Variants in BAZ2B observed in about 807,000 individuals in gnomAD.
BAZ2B encodes bromodomain adjacent to zinc finger domain 2B, also known as bromodomain adjacent to zinc finger domain protein 2B.
A neutral mutation model predicts 246.0 loss-of-function variants in BAZ2B; 91 were observed. The ratio of observed to expected loss-of-function variants is 0.37; its 90% confidence interval spans 0.31 to 0.44. The LOEUF is 0.44. BAZ2B is among the 20% of genes least tolerant of loss of function. The pLI is 1.00. For missense variants in BAZ2B, 2,332 were observed against 2,533.7 expected, an observed-to-expected ratio of 0.92 and a Z score of 1.71; for synonymous variants, 855 against 860.0, an observed-to-expected ratio of 0.99 and a Z score of 0.10.
At chr2:159,450,850 T>C (rs1206367735) in intron 4 of BAZ2B, among the ~76,000 whole-genome samples, 1 of 151,796 alleles carries the variant, frequency 6.6e-6, no homozygotes, top group Non-Finnish European at 1.5e-5. Flanking sequence ...AGTGATTCTC[T>C]TGCCTCAGCC....
intron 30 of BAZ2B, among the ~76,000 whole-genome samples, chr2:159,348,163 A>T (rs991411631): frequency 6.6e-6 from 1 of 151,372 alleles, no homozygotes; most frequent in Non-Finnish European, 1.5e-5. Flanking sequence ...TACAAAAAAT[A>T]AAAAAAACTA....
chr2:159,462,334 A>G, intron 3 of BAZ2B: 1 of 918,926 alleles, frequency 1.1e-6, no homozygotes, highest in Non-Finnish European at 1.7e-6. Context: ...CTTATTTATC[A>G]TATGACCACA....
At chr2:159,412,753 T>G (rs978851576) in intron 13 of BAZ2B, among the ~76,000 whole-genome samples, 2 of 152,218 alleles carry the variant, frequency 1.3e-5, no homozygotes, top group Non-Finnish European at 2.9e-5. Context: ...CTTTAATGAC[T>G]TAAGCTTTAA....
At position 159,343,809 on chromosome 2, in the gene BAZ2B, A is replaced by ACG. The variant is rs2067201573; in HGVS notation, c.5454+3676_5454+3677insCG. ...TGGGAGGCTGAGGCGGGCAGATCAC[A>ACG]AGGTCAGGAGATCAAGACCATCCTG... On this transcript the variant is annotated intron_variant, in intron 31 of 36. Coordinates refer to ENST00000392783, the MANE Select transcript of BAZ2B (RefSeq NM_013450.4). Among the ~76,000 whole-genome samples, 7 of 151,896 alleles carry ACG rather than the reference A, an allele frequency of 4.6e-5. 1 individual carries two copies. The highest frequency in any genetic ancestry group is 4.6e-4 in the Admixed American group (7 of 15,266).
At chr2:159,691,767 C>G in the BAZ2B span, among the ~76,000 whole-genome samples, 15 of 152,166 alleles carry the variant, frequency 9.9e-5, no homozygotes, top group Non-Finnish European at 1.8e-4. Context: ...ATGAGAATTG[C>G]AAAAGATCAC....
chr2:159,646,644 C>A, the BAZ2B span, among the ~76,000 whole-genome samples: 1 of 152,072 alleles, frequency 6.6e-6, no homozygotes, highest in Non-Finnish European at 1.5e-5. Context: ...TCCATGAAAT[C>A]TTCACAATTT....
intron 2 of BAZ2B, among the ~76,000 whole-genome samples, chr2:159,499,084 G>A (rs747968573): frequency 4.6e-5 from 7 of 151,918 alleles, no homozygotes; most frequent in African/African-American, 1.5e-4. Context: ...AGGTAAACAC[G>A]TGCCATGGTG....
chr2:159,611,891 A>T (rs1366781201), intron 1 of BAZ2B, among the ~76,000 whole-genome samples: 1 of 151,696 alleles, frequency 6.6e-6, no homozygotes, highest in East Asian at 1.9e-4. Context: ...TCTCCCTCCC[A>T]TTTCCTCTAC....
chr2:159,486,978 C>T (rs1031776309), intron 2 of BAZ2B, among the ~76,000 whole-genome samples: 1 of 152,044 alleles, frequency 6.6e-6, no homozygotes, highest in Admixed American at 6.6e-5. Context: ...TACTTGTATG[C>T]TCATAGACTA....
At chr2:159,489,476 A>T (rs2080205002) in intron 2 of BAZ2B, among the ~76,000 whole-genome samples, 1 of 152,238 alleles carries the variant, frequency 6.6e-6, no homozygotes, top group Non-Finnish European at 1.5e-5. Context: ...GGGAGGAAAA[A>T]TGGTGTAGAG....
chr2:159,324,245 G>T lies in BAZ2B; in HGVS notation c.6353+566C>A, dbSNP rs553835801. ...TATTCTTGGAATAGGATTGCAAAGA[G>T]AATATGGTAGAGAAAAGCAAATAAG... On this transcript the variant is annotated intron_variant, in intron 36 of 36. Coordinates refer to ENST00000392783, the MANE Select transcript of BAZ2B (RefSeq NM_013450.4). Among the ~76,000 whole-genome samples the T allele has an allele frequency of 2.8e-3, 424 of 152,200 alleles. 4 individuals carry two copies. The highest frequency in any genetic ancestry group is 9.9e-3 in the African/African-American group (413 of 41,530).
the BAZ2B span, among the ~76,000 whole-genome samples, chr2:159,652,196 A>C: frequency 1.4e-5 from 2 of 147,390 alleles, no homozygotes; most frequent in African/African-American, 2.5e-5. Context: ...CATCTTTACC[A>C]TCACTTGTTA....
intron 14 of BAZ2B, among the ~76,000 whole-genome samples, chr2:159,411,065 A>G (rs2066762836): frequency 6.6e-6 from 1 of 152,236 alleles, no homozygotes; most frequent in South Asian, 2.1e-4. Flanking sequence ...TCTGTCAGCC[A>G]GGCTGAAGCG....
intron 1 of BAZ2B, among the ~76,000 whole-genome samples, chr2:159,605,505 A>C (rs2151788132): frequency 6.6e-6 from 1 of 152,350 alleles, no homozygotes; most frequent in Non-Finnish European, 1.5e-5. Context: ...AACAAATAAA[A>C]TATTTGCAAA....
In BAZ2B at chr2:159,485,768, T is replaced by C. The variant is rs540877216; in HGVS notation, c.-2-7047A>G. Among the ~76,000 whole-genome samples the C allele has an allele frequency of 2.7e-4, 41 of 152,262 alleles. No individual in the cohort carries two copies. The East Asian group carries it at 7.5e-3, about 28-fold the overall frequency. Reference sequence around the variant, plus strand: ...GCATTGAAATATTTAACAATTTAATTCCATTTTGTCCTTATCATTCTTTTC... The same window carrying C: ...GCATTGAAATATTTAACAATTTAATCCCATTTTGTCCTTATCATTCTTTTC... On this transcript the variant is annotated intron_variant, in intron 2 of 36. Coordinates refer to ENST00000392783, the MANE Select transcript of BAZ2B (RefSeq NM_013450.4).
the BAZ2B span, among the ~76,000 whole-genome samples, chr2:159,622,054 C>T: frequency 1.3e-5 from 2 of 151,096 alleles, no homozygotes; most frequent in Admixed American, 6.6e-5. Flanking sequence ...TGCGGTGACC[C>T]GAGATCATGC....
intron 21 of BAZ2B, 136 bp downstream of exon 21, chr2:159,389,209 G>A (rs2063029146): frequency 1.1e-6 from 1 of 898,656 alleles, no homozygotes; most frequent in East Asian, 2.8e-5. Flanking sequence ...AAGGCAAATT[G>A]ACCTAGAGTT....
chr2:159,519,236 T>TAA (rs1553692831), intron 2 of BAZ2B, among the ~76,000 whole-genome samples: 1 of 70,612 alleles, frequency 1.4e-5, no homozygotes, highest in African/African-American at 6.1e-5. Flanking sequence ...TTTTTTTTTT[T>TAA]TTTTGAGACG....
intron 1 of BAZ2B, among the ~76,000 whole-genome samples, chr2:159,562,665 A>T (rs985304116): frequency 4.6e-5 from 7 of 152,330 alleles, no homozygotes; most frequent in Middle Eastern, 6.8e-3. Context: ...TTAGTTATAT[A>T]TACTTTTATT....
Sources: allele counts gnomAD v4.1 joint callset (sites outside exome capture counted in the v4.1 genomes callset), GRCh38; gene constraint gnomAD v4.1.1; transcripts MANE v1.5; gene names NCBI Gene and HGNC (gene_info 2026-07-23, HGNC 2026-07-21).